LINGO2: variants seen among roughly 807,000 people sequenced by gnomAD.
The protein encoded by LINGO2 is leucine-rich repeat and immunoglobulin-like domain-containing nogo receptor-interacting protein 2.
Under a neutral mutation model 30.6 loss-of-function variants are expected in LINGO2, and 14 were observed. That is an observed-to-expected ratio of 0.46 (90% CI 0.30 to 0.72). The LOEUF (loss-of-function observed/expected upper bound fraction) is 0.72. Among genes scored for constraint, LINGO2 ranks in the 30% least tolerant of loss-of-function variants. The pLI is 0.07. For synonymous variants in LINGO2, 317 were observed against 288.5 expected (o/e 1.10, Z -1.00); for missense variants, 729 against 751.7 (o/e 0.97, Z 0.35).
the LINGO2 span, among the ~76,000 whole-genome samples, chr9:28,764,425 C>T: frequency 6.6e-6 from 1 of 151,598 alleles, no homozygotes; most frequent in African/African-American, 2.4e-5. Flanking sequence ...TTAATAATTG[C>T]AGAAAAAAAC....
chr9:28,351,580 A>C (rs1292851568), intron 3 of LINGO2, among the ~76,000 whole-genome samples: 1 of 140,086 alleles, frequency 7.1e-6, no homozygotes, highest in Non-Finnish European at 1.5e-5. Flanking sequence ...TACAAGGAGG[A>C]ACTGGTACCA....
At chr9:28,422,561 T>C (rs748019366) in intron 2 of LINGO2, among the ~76,000 whole-genome samples, 17 of 152,070 alleles carry the variant, frequency 1.1e-4, no homozygotes, top group Non-Finnish European at 2.5e-4. Flanking sequence ...GAAAGGTTTG[T>C]ATACAGTTAG....
intron 1 of LINGO2, among the ~76,000 whole-genome samples, chr9:28,523,732 C>G (rs1302320431): frequency 6.6e-6 from 1 of 151,846 alleles, no homozygotes; most frequent in Non-Finnish European, 1.5e-5. Flanking sequence ...AGTACAAGAC[C>G]TGTACATTGA....
chr9:28,524,156 A>G (rs1419902059), intron 1 of LINGO2, among the ~76,000 whole-genome samples: 1 of 152,190 alleles, frequency 6.6e-6, no homozygotes, highest in South Asian at 2.1e-4. Context: ...CAAAGGGGCC[A>G]AGATAATTAA....
upstream of LINGO2, among the ~76,000 whole-genome samples, chr9:28,671,513 CAAAAAAA>C (rs11286682): frequency 2.3e-4 from 24 of 105,646 alleles, no homozygotes; most frequent in East Asian, 5.2e-3. Context: ...TTATCTTAAG[CAAAAAAA>C]AAAAAAAAAA....
At chr9:28,750,832 G>A in the LINGO2 span, among the ~76,000 whole-genome samples, 8 of 151,982 alleles carry the variant, frequency 5.3e-5, no homozygotes, top group Admixed American at 1.3e-4. Context: ...GGTCTGCCAC[G>A]GACCTTTTGA....
chr9:28,354,632 A>C (rs1275924420), intron 3 of LINGO2, among the ~76,000 whole-genome samples: 2 of 152,192 alleles, frequency 1.3e-5, no homozygotes, highest in African/African-American at 4.8e-5. Context: ...TGTTACTTTA[A>C]CTATCCCCAT....
At chr9:28,443,900 C>A (rs2135032352) in intron 2 of LINGO2, among the ~76,000 whole-genome samples, 1 of 152,222 alleles carries the variant, frequency 6.6e-6, no homozygotes, top group African/African-American at 2.4e-5. Context: ...TCTGGGCTGG[C>A]AGTTCCAGGT....
chr9:28,016,398 A>T (rs1822839479), intron 4 of LINGO2, among the ~76,000 whole-genome samples: 1 of 152,144 alleles, frequency 6.6e-6, no homozygotes, highest in Admixed American at 6.6e-5. Context: ...ATCCCCTGAA[A>T]GTCTGACTTC....
intron 2 of LINGO2, among the ~76,000 whole-genome samples, chr9:28,423,836 A>T (rs1823302309): frequency 6.6e-6 from 1 of 152,178 alleles, no homozygotes; most frequent in Admixed American, 6.6e-5. Flanking sequence ...TCAAGATATA[A>T]TTCAGAGAAA....
chr9:29,179,158 A>AATATATATAC, the LINGO2 span, among the ~76,000 whole-genome samples: 1 of 101,636 alleles, frequency 9.8e-6, no homozygotes, highest in Admixed American at 1.0e-4. Context: ...TCTTACTGTA[A>AATATATATAC]ATATATATAT....
the LINGO2 span, among the ~76,000 whole-genome samples, chr9:29,120,406 G>A: frequency 3.9e-5 from 6 of 152,094 alleles, no homozygotes; most frequent in Non-Finnish European, 7.4e-5. Flanking sequence ...GAAAGGTAAT[G>A]TTATGCTACT....
At chr9:28,782,908 C>CTAT in the LINGO2 span, among the ~76,000 whole-genome samples, 1 of 152,170 alleles carries the variant, frequency 6.6e-6, no homozygotes, top group South Asian at 2.1e-4. Context: ...TACACCTAGG[C>CTAT]TATATGGTAT....
intron 2 of LINGO2, among the ~76,000 whole-genome samples, chr9:28,424,011 A>G (rs1302370382): frequency 2.0e-5 from 3 of 152,094 alleles, no homozygotes; most frequent in Non-Finnish European, 1.5e-5. Flanking sequence ...ATCTCTATCA[A>G]TAGTGTTAAG....
chr9:29,086,407 G>T, the LINGO2 span, among the ~76,000 whole-genome samples: 1 of 151,376 alleles, frequency 6.6e-6, no homozygotes, highest in East Asian at 1.9e-4. Context: ...ATTAATACAG[G>T]TTGTGTGATA....
chr9:28,168,265 C>A (rs1054381590), intron 4 of LINGO2, among the ~76,000 whole-genome samples: 1 of 152,112 alleles, frequency 6.6e-6, no homozygotes, highest in Non-Finnish European at 1.5e-5. Context: ...GCCATGGTTT[C>A]TATTTTATTT....
At chr9:28,691,341 C>T in the LINGO2 span, among the ~76,000 whole-genome samples, 1 of 152,204 alleles carries the variant, frequency 6.6e-6, no homozygotes, top group Admixed American at 6.5e-5. Flanking sequence ...GCTCGCTCAC[C>T]CTTGGGTAAA....
chr9:27,968,472 C>T (rs1371931384), intron 5 of LINGO2, among the ~76,000 whole-genome samples: 1 of 151,722 alleles, frequency 6.6e-6, no homozygotes, highest in Non-Finnish European at 1.5e-5. Context: ...ACATCCTGAA[C>T]ATAGTTAAGG....
At chr9:28,385,977 C>G (rs1821563650) in intron 2 of LINGO2, among the ~76,000 whole-genome samples, 1 of 152,178 alleles carries the variant, frequency 6.6e-6, no homozygotes, top group Non-Finnish European at 1.5e-5. Context: ...TCTGGGAACT[C>G]AGACATGATA....
Sources: allele counts gnomAD v4.1 joint callset (sites outside exome capture counted in the v4.1 genomes callset), GRCh38; gene constraint gnomAD v4.1.1; transcripts MANE v1.5; gene names NCBI Gene and HGNC (gene_info 2026-07-23, HGNC 2026-07-21).